Variants in LINGO2 observed in about 807,000 individuals in gnomAD.
LINGO2 encodes the protein leucine-rich repeat and immunoglobulin-like domain-containing nogo receptor-interacting protein 2.
Under a neutral mutation model 30.6 loss-of-function variants are expected in LINGO2, and 14 were observed. The ratio of observed to expected loss-of-function variants is 0.46; its 90% CI spans 0.30 to 0.72. The LOEUF is 0.72. Among genes scored for constraint, LINGO2 ranks in the 30% least tolerant of loss-of-function variants. The pLI is 0.07. For missense variants in LINGO2, 729 were observed against 751.7 expected, an observed-to-expected ratio of 0.97 and a Z score of 0.35; for synonymous variants, 317 against 288.5, an observed-to-expected ratio of 1.10 and a Z score of -1.00.
chr9:28,369,975 C>T (rs1479222997), intron 3 of LINGO2, among the ~76,000 whole-genome samples: 1 of 152,020 alleles, frequency 6.6e-6, no homozygotes, highest in Non-Finnish European at 1.5e-5. Flanking sequence ...ATGTGTGGTG[C>T]TCAAATCTAA....
chr9:28,466,152 A>G (rs1208088956), intron 2 of LINGO2, among the ~76,000 whole-genome samples: 1 of 152,198 alleles, frequency 6.6e-6, no homozygotes, highest in Non-Finnish European at 1.5e-5. Context: ...TATTGAAGAG[A>G]TACCTGCACT....
At chr9:28,677,626 C>T in the LINGO2 span, among the ~76,000 whole-genome samples, 7 of 152,266 alleles carry the variant, frequency 4.6e-5, no homozygotes, top group South Asian at 2.1e-4. Context: ...TACTGTCTAA[C>T]GCTCTCACAT....
At chr9:27,993,814 C>T (rs375168239) in intron 5 of LINGO2, among the ~76,000 whole-genome samples, 204 of 151,890 alleles carry the variant, frequency 1.3e-3, no homozygotes, top group African/African-American at 4.7e-3. Flanking sequence ...TGAATCAAAC[C>T]GACACAGAAC....
chr9:28,762,550 T>A, the LINGO2 span, among the ~76,000 whole-genome samples: 1 of 151,958 alleles, frequency 6.6e-6, no homozygotes, highest in Admixed American at 6.6e-5. Context: ...AGTAACAATG[T>A]TTAATTAAAG....
intron 3 of LINGO2, among the ~76,000 whole-genome samples, chr9:28,344,146 C>CA (rs1012155833): frequency 1.3e-4 from 19 of 151,280 alleles, no homozygotes; most frequent in Admixed American, 1.3e-3. Context: ...TTATTGGTAA[C>CA]AAAAAAAATG....
At chr9:28,791,762 T>C in the LINGO2 span, among the ~76,000 whole-genome samples, 1 of 151,936 alleles carries the variant, frequency 6.6e-6, no homozygotes, top group Non-Finnish European at 1.5e-5. Flanking sequence ...TATCATTTTA[T>C]TTGCATCATT....
chr9:27,946,326 T>G (rs1384989614), downstream of LINGO2, among the ~76,000 whole-genome samples: 1 of 152,156 alleles, frequency 6.6e-6, no homozygotes, highest in Non-Finnish European at 1.5e-5. Flanking sequence ...ATATCTTAAA[T>G]AACTATTATT....
chr9:28,046,733 C>T (rs2133030233), intron 4 of LINGO2, among the ~76,000 whole-genome samples: 1 of 151,760 alleles, frequency 6.6e-6, no homozygotes, highest in South Asian at 2.1e-4. Flanking sequence ...TTCCACATAT[C>T]TCCTCTTTAT....
chr9:29,058,012 AC>A, the LINGO2 span, among the ~76,000 whole-genome samples: 1 of 152,154 alleles, frequency 6.6e-6, no homozygotes. Context: ...CAGAAATACA[AC>A]AGCATCTCAA....
chr9:28,488,367 T>C (rs17773909), intron 1 of LINGO2, among the ~76,000 whole-genome samples: 23,718 of 152,112 alleles, frequency 0.16, 2,426 homozygotes, highest in Non-Finnish European at 0.21. Flanking sequence ...GGAACTGAAA[T>C]ATATTACTTA....
intron 4 of LINGO2, among the ~76,000 whole-genome samples, chr9:28,158,702 C>G (rs1828204691): frequency 6.6e-6 from 1 of 152,154 alleles, no homozygotes; most frequent in Non-Finnish European, 1.5e-5. Flanking sequence ...AGGGGGTTGC[C>G]TTTCCAATTG....
At chr9:28,206,164 CAAAAAAAAAAAAAA>C (rs34169188) in intron 4 of LINGO2, among the ~76,000 whole-genome samples, 1 of 73,526 alleles carries the variant, frequency 1.4e-5, no homozygotes, top group African/African-American at 5.7e-5. Context: ...GACCCTGTTT[CAAAAAAAAAAAAAA>C]AAAAAAAAAA....
intron 1 of LINGO2, among the ~76,000 whole-genome samples, chr9:28,645,214 G>T (rs1394765563): frequency 6.6e-6 from 1 of 151,884 alleles, no homozygotes; most frequent in Non-Finnish European, 1.5e-5. Flanking sequence ...GAAAAAAAGG[G>T]GATTCAGTTA....
At chr9:29,148,716 A>T in the LINGO2 span, among the ~76,000 whole-genome samples, 1 of 152,156 alleles carries the variant, frequency 6.6e-6, no homozygotes, top group African/African-American at 2.4e-5. Flanking sequence ...AGTGACATTC[A>T]TTCTACTGGT....
the LINGO2 span, among the ~76,000 whole-genome samples, chr9:29,202,851 A>G: frequency 6.6e-6 from 1 of 152,048 alleles, no homozygotes; most frequent in Non-Finnish European, 1.5e-5. Context: ...GTCCAACAGA[A>G]CAATCATCAA....
chr9:29,007,367 T>C, the LINGO2 span, among the ~76,000 whole-genome samples: 9 of 152,248 alleles, frequency 5.9e-5, no homozygotes, highest in East Asian at 1.2e-3. Context: ...CTGTACTCCA[T>C]TATATATTTT....
the LINGO2 span, among the ~76,000 whole-genome samples, chr9:29,031,779 A>G: frequency 6.6e-6 from 1 of 152,180 alleles, no homozygotes; most frequent in African/African-American, 2.4e-5. Flanking sequence ...TGAAACTCTA[A>G]GTGATAAACC....
the LINGO2 span, among the ~76,000 whole-genome samples, chr9:29,179,651 C>A: frequency 6.6e-6 from 1 of 152,120 alleles, no homozygotes; most frequent in Non-Finnish European, 1.5e-5. Context: ...GTGATCCACC[C>A]GCCTCAGCTT....
At chr9:28,572,833 A>T (rs1482962670) in intron 1 of LINGO2, among the ~76,000 whole-genome samples, 2 of 152,146 alleles carry the variant, frequency 1.3e-5, no homozygotes, top group African/African-American at 4.8e-5. Context: ...TATTGCCTTT[A>T]TTCAAGGAAC....
Sources: allele counts gnomAD v4.1 joint callset (sites outside exome capture counted in the v4.1 genomes callset), GRCh38; gene constraint gnomAD v4.1.1; transcripts MANE v1.5; gene names NCBI Gene and HGNC (gene_info 2026-07-23, HGNC 2026-07-21).